PPP6R2: variants seen among roughly 807,000 people sequenced by gnomAD.
The protein encoded by PPP6R2 is serine/threonine-protein phosphatase 6 regulatory subunit 2.
A neutral mutation model predicts 100.2 loss-of-function variants in PPP6R2; 62 were observed. The ratio of observed to expected loss-of-function variants is 0.62; its 90% CI spans 0.50 to 0.76. PPP6R2 has a LOEUF of 0.76. Among genes scored for constraint, PPP6R2 ranks in the 30% least tolerant of loss-of-function variants. The pLI, the probability that PPP6R2 is intolerant of heterozygous loss-of-function variation, is 0.00. For missense variants in PPP6R2, 1,142 were observed against 1,276.3 expected (o/e 0.89, Z 1.60); for synonymous variants, 525 against 514.7 (o/e 1.02, Z -0.27).
the PPP6R2 span, among the ~76,000 whole-genome samples, chr22:50,336,406 C>T: frequency 3.2e-4 from 49 of 152,020 alleles, no homozygotes; most frequent in South Asian, 8.9e-3. Flanking sequence ...GATGGAGTTT[C>T]GCTCTTGTTG....
At chr22:50,400,872 A>G (rs1278022361) in intron 3 of PPP6R2, among the ~76,000 whole-genome samples, 2 of 152,110 alleles carry the variant, frequency 1.3e-5, no homozygotes, top group African/African-American at 2.4e-5. Flanking sequence ...GAAATTTCTC[A>G]TATTGTTTCT....
chr22:50,444,184 A>G lies in PPP6R2; in HGVS notation c.2832-15A>G, dbSNP rs750029800. On this transcript the variant is annotated splice_polypyrimidine_tract_variant and intron_variant, in intron 23 of 23. Coordinates refer to ENST00000612753, the MANE Select transcript of PPP6R2 (RefSeq NM_001242898.2). ...CCGCAGCCCGCACGGTTCCAACCCCACCCCATTCCTGCAGGAAGACAGATG... is the reference window on the plus strand; with the variant it reads ...CCGCAGCCCGCACGGTTCCAACCCCGCCCCATTCCTGCAGGAAGACAGATG... 6.2e-7 allele frequency: 1 copy of G among 1,612,550 alleles called. No individual in the cohort carries two copies. Among genetic ancestry groups the G allele is most frequent in the Non-Finnish European group, 8.5e-7 (1 of 1,179,584 alleles).
chr22:50,359,935 A>G (rs1392322489), intron 1 of PPP6R2, among the ~76,000 whole-genome samples: 3 of 152,160 alleles, frequency 2.0e-5, no homozygotes, highest in Non-Finnish European at 2.9e-5. Context: ...GGGTATGATA[A>G]GGACAAATTC....
intron 3 of PPP6R2, among the ~76,000 whole-genome samples, chr22:50,402,354 T>A (rs7285141): frequency 6.8e-6 from 1 of 147,394 alleles, no homozygotes; most frequent in African/African-American, 2.5e-5. Flanking sequence ...TTTACCAAGT[T>A]CCCTATTTCT....
At chr22:50,357,292 C>T (rs954978397) in intron 1 of PPP6R2, among the ~76,000 whole-genome samples, 18 of 152,082 alleles carry the variant, frequency 1.2e-4, no homozygotes, top group African/African-American at 3.6e-4. Context: ...TGTGTGCATG[C>T]GTATATGCAT....
At chr22:50,377,186 G>C (rs2148617294) in intron 2 of PPP6R2, among the ~76,000 whole-genome samples, 1 of 152,274 alleles carries the variant, frequency 6.6e-6, no homozygotes, top group African/African-American at 2.4e-5. Flanking sequence ...AGGTGAGGTG[G>C]CTCATGCTTG....
Position 50,362,453 on chromosome 22 carries a change from C to T in PPP6R2, c.-147-9567C>T, listed in dbSNP as rs763074293. Reference sequence around the variant, plus strand: ...AGCTTGAAGACCTTGGAATGTGCAGCGACGTCAGCTCTTCTCAGCCCGTCG... The same window carrying T: ...AGCTTGAAGACCTTGGAATGTGCAGTGACGTCAGCTCTTCTCAGCCCGTCG... On this transcript the variant is annotated intron_variant, in intron 1 of 23. Transcript: ENST00000612753. 7.9e-5 allele frequency among the ~76,000 whole-genome samples: 12 copies of T among 152,218 alleles called. No homozygotes were observed. The Middle Eastern group carries it at 0.01, about 129-fold the overall frequency.
chr22:50,376,541 G>A (rs1393433744), intron 2 of PPP6R2, among the ~76,000 whole-genome samples: 1 of 152,036 alleles, frequency 6.6e-6, no homozygotes, highest in Non-Finnish European at 1.5e-5. Flanking sequence ...TTCTGTCTCA[G>A]CCTTCTGAGT....
At chr22:50,439,421 A>G (rs1272290434) in intron 19 of PPP6R2, among the ~76,000 whole-genome samples, 1 of 152,102 alleles carries the variant, frequency 6.6e-6, no homozygotes, top group African/African-American at 2.4e-5. Flanking sequence ...CATCACCTCC[A>G]CACTGTCAGT....
At chr22:50,425,983 AT>A (rs1442642003) in intron 10 of PPP6R2, among the ~76,000 whole-genome samples, 4 of 151,592 alleles carry the variant, frequency 2.6e-5, no homozygotes, top group East Asian at 1.9e-4. Context: ...TACATAAAAA[AT>A]TTTTTTTAGA....
At chr22:50,338,511 A>AGT (rs1199602240), upstream of PPP6R2, among the ~76,000 whole-genome samples, 3 of 74,830 alleles carry the variant, frequency 4.0e-5, no homozygotes, top group East Asian at 5.0e-4. Context: ...TGGTGTGTGT[A>AGT]GTGTGTGTGT....
chr22:50,364,527 A>T (rs939350960), intron 1 of PPP6R2, among the ~76,000 whole-genome samples: 3 of 152,184 alleles, frequency 2.0e-5, no homozygotes, highest in East Asian at 1.9e-4. Flanking sequence ...CAATATATTT[A>T]AAAAATTTCA....
intron 12 of PPP6R2, among the ~76,000 whole-genome samples, chr22:50,433,165 AG>A (rs576732715): frequency 6.6e-4 from 96 of 146,328 alleles, no homozygotes; most frequent in African/African-American, 2.3e-3. Flanking sequence ...GGAGGAGGGC[AG>A]GGGGCGCGGA....
chr22:50,406,606 C>T, intron 3 of PPP6R2, 83 bp from the exon 4 acceptor site: 2 of 1,323,208 alleles, frequency 1.5e-6, no homozygotes, highest in Admixed American at 1.9e-5. Flanking sequence ...GGTCTGCTTC[C>T]TAAGAAGCAG....
At chr22:50,366,555 C>T (rs1190079913) in intron 1 of PPP6R2, among the ~76,000 whole-genome samples, 1 of 152,168 alleles carries the variant, frequency 6.6e-6, no homozygotes, top group Non-Finnish European at 1.5e-5. Context: ...CCACCGGCCT[C>T]GGCCTCCCAA....
chr22:50,441,962 C>T (rs76867505), intron 22 of PPP6R2, among the ~76,000 whole-genome samples: 14,237 of 152,166 alleles, frequency 0.094, 860 homozygotes, highest in African/African-American at 0.17. Context: ...TGTGCAAAGA[C>T]CCTGAGGCCT....
intron 2 of PPP6R2, among the ~76,000 whole-genome samples, chr22:50,384,068 C>G (rs1808551324): frequency 6.6e-6 from 1 of 150,438 alleles, no homozygotes; most frequent in African/African-American, 2.4e-5. Context: ...GGATGAACAC[C>G]TTTGAGCTCG....
intron 2 of PPP6R2, among the ~76,000 whole-genome samples, chr22:50,381,475 A>G (rs1033914505): frequency 6.6e-6 from 1 of 151,304 alleles, no homozygotes; most frequent in Non-Finnish European, 1.5e-5. Context: ...CCACTTCAGC[A>G]CCACACGGGC....
rs949891809 is a variant in PPP6R2 at position 50,423,123 on chromosome 22, C to T, written c.973-339C>T. ...CCCCCACTGGGCATCCTCAGTGAGGCATCGTGCCAAGGGCTCTGGCCTTAG... is the reference window on the plus strand; with the variant it reads ...CCCCCACTGGGCATCCTCAGTGAGGTATCGTGCCAAGGGCTCTGGCCTTAG... On this transcript the variant is annotated intron_variant, in intron 9 of 23. Coordinates refer to ENST00000612753, the MANE Select transcript of PPP6R2 (RefSeq NM_001242898.2). This position sits in a 1 kb window ranked among gnomAD's most constrained non-coding sequence, Gnocchi z 4.8. Among the ~76,000 whole-genome samples the T allele has an allele frequency of 1.3e-5, 2 of 152,172 alleles. No homozygotes were observed. Among genetic ancestry groups the T allele is most frequent in the East Asian group, 3.8e-4 (2 of 5,198 alleles).
Sources: allele counts gnomAD v4.1 joint callset (sites outside exome capture counted in the v4.1 genomes callset), GRCh38; gene constraint gnomAD v4.1.1; non-coding constraint Gnocchi (gnomAD v3.1); transcripts MANE v1.5; gene names NCBI Gene and HGNC (gene_info 2026-07-23, HGNC 2026-07-21).